The following LHFPL6 variants were observed in gnomAD, a reference collection of about 807,000 sequenced individuals.
LHFPL6 encodes LHFPL tetraspan subfamily member 6 protein.
In LHFPL6, 9 loss-of-function variants were observed where a neutral mutation model predicts 20.6. The ratio of observed to expected loss-of-function variants is 0.44; its 90% CI spans 0.26 to 0.76. The LOEUF is 0.76. Among genes scored for constraint, LHFPL6 ranks in the 30% least tolerant of loss-of-function variants. The pLI is 0.20. For synonymous variants in LHFPL6, 105 were observed against 98.7 expected, an observed-to-expected ratio of 1.06 and a Z score of -0.38; for missense variants, 218 against 253.5, an observed-to-expected ratio of 0.86 and a Z score of 0.95.
At chr13:39,344,466 A>G (rs1055146514) in intron 3 of LHFPL6, among the ~76,000 whole-genome samples, 2 of 152,218 alleles carry the variant, frequency 1.3e-5, no homozygotes, top group African/African-American at 4.8e-5. Context: ...GGCCACTTTG[A>G]GGAGGCAACC....
At chr13:39,423,993 T>TAC (rs1356868551) in intron 2 of LHFPL6, among the ~76,000 whole-genome samples, 1 of 152,142 alleles carries the variant, frequency 6.6e-6, no homozygotes, top group Non-Finnish European at 1.5e-5. Context: ...TGGCAGGAGC[T>TAC]ACAGTAAAGG....
intron 2 of LHFPL6, among the ~76,000 whole-genome samples, chr13:39,436,114 T>C (rs576832589): frequency 6.6e-6 from 1 of 152,074 alleles, no homozygotes; most frequent in African/African-American, 2.4e-5. Context: ...TCCTTTGGAG[T>C]CCTCAACAAT....
chr13:39,454,400 C>T (rs1465541959), intron 2 of LHFPL6, among the ~76,000 whole-genome samples: 1 of 32,994 alleles, frequency 3.0e-5, no homozygotes, highest in Non-Finnish European at 5.0e-5. Context: ...GAGGCCGAGG[C>T]GGGCGGATCA....
intron 2 of LHFPL6, among the ~76,000 whole-genome samples, chr13:39,544,028 T>C (rs1280730370): frequency 6.6e-6 from 1 of 152,224 alleles, no homozygotes; most frequent in Non-Finnish European, 1.5e-5. Flanking sequence ...AGACTTTTAT[T>C]TCAATGGGCA....
intron 2 of LHFPL6, among the ~76,000 whole-genome samples, chr13:39,478,442 C>T (rs1873137901): frequency 6.6e-6 from 1 of 152,172 alleles, no homozygotes; most frequent in Non-Finnish European, 1.5e-5. Flanking sequence ...ATTGATAGCA[C>T]ATTAAATGTA....
At chr13:39,444,086 G>T (rs1179452973) in intron 2 of LHFPL6, among the ~76,000 whole-genome samples, 1 of 152,154 alleles carries the variant, frequency 6.6e-6, no homozygotes, top group Non-Finnish European at 1.5e-5. Flanking sequence ...TTATACAGTT[G>T]TAAAGAACTT....
At chr13:39,364,211 A>C (rs918327681) in intron 3 of LHFPL6, among the ~76,000 whole-genome samples, 2 of 152,226 alleles carry the variant, frequency 1.3e-5, no homozygotes, top group African/African-American at 4.8e-5. Flanking sequence ...CAATCAGAGA[A>C]ACCGGCCCTG....
intron 2 of LHFPL6, among the ~76,000 whole-genome samples, chr13:39,584,906 G>A (rs948929085): frequency 1.3e-5 from 2 of 152,128 alleles, no homozygotes; most frequent in Non-Finnish European, 2.9e-5. Context: ...AAATAATACA[G>A]GGAGCTTGGA....
intron 2 of LHFPL6, among the ~76,000 whole-genome samples, chr13:39,445,270 C>T (rs1438741170): frequency 6.6e-6 from 1 of 152,192 alleles, no homozygotes; most frequent in Non-Finnish European, 1.5e-5. Context: ...ACCTTGATAA[C>T]TTATAAATCT....
At chr13:39,441,860 A>C in intron 2 of LHFPL6, among the ~76,000 whole-genome samples, 6 of 117,420 alleles carry the variant, frequency 5.1e-5, no homozygotes, top group Admixed American at 1.1e-4. Flanking sequence ...ACAGAGTTTC[A>C]CTCTTGTCGC....
intron 2 of LHFPL6, among the ~76,000 whole-genome samples, chr13:39,518,781 T>A (rs569469585): frequency 6.6e-6 from 1 of 152,296 alleles, no homozygotes; most frequent in South Asian, 2.1e-4. Context: ...CCCCCTGCCA[T>A]GATTTAATCA....
intron 3 of LHFPL6, among the ~76,000 whole-genome samples, chr13:39,356,114 C>T (rs994004923): frequency 2.3e-4 from 35 of 152,188 alleles, no homozygotes; most frequent in African/African-American, 7.0e-4. Context: ...AGATTGACCA[C>T]ATGTTCAGCG....
At chr13:39,498,553 G>T (rs987036251) in intron 2 of LHFPL6, among the ~76,000 whole-genome samples, 14 of 152,224 alleles carry the variant, frequency 9.2e-5, no homozygotes, top group African/African-American at 3.1e-4. Context: ...GATCAGTAGA[G>T]ACTGAAAGTC....
chr13:39,389,990 C>T (rs1870661937), intron 2 of LHFPL6, among the ~76,000 whole-genome samples: 1 of 152,148 alleles, frequency 6.6e-6, no homozygotes, highest in Admixed American at 6.5e-5. Flanking sequence ...TTAACCAACA[C>T]ATCAAGAGCA....
chr13:39,584,199 G>C (rs1347857385), intron 2 of LHFPL6, among the ~76,000 whole-genome samples: 1 of 152,154 alleles, frequency 6.6e-6, no homozygotes, highest in East Asian at 1.9e-4. Context: ...CCAAGGCCTA[G>C]AGCAGAGCCT....
At chr13:39,494,852 C>T (rs1869045509) in intron 2 of LHFPL6, among the ~76,000 whole-genome samples, 1 of 152,204 alleles carries the variant, frequency 6.6e-6, no homozygotes, top group African/African-American at 2.4e-5. Context: ...AGATTATGGG[C>T]ATTCCTTTTC....
Position 39,431,958 on chromosome 13 carries a change from G to A in LHFPL6, c.386-53432C>T, listed in dbSNP as rs117210220. Among the ~76,000 whole-genome samples the A allele has an allele frequency of 4.5e-3, 691 of 152,050 alleles. 29 individuals are homozygous for A. Among genetic ancestry groups the A allele is most frequent in the Admixed American group, 0.043 (652 of 15,282 alleles). On this transcript the variant is annotated intron_variant, in intron 2 of 3. Coordinates refer to ENST00000379589, the MANE Select transcript of LHFPL6 (RefSeq NM_005780.3). The stretch of plus-strand genomic sequence containing the variant: ...CAGGTGTTGAAACTGAATCTCCATT[G>A]TGGTGGTATTAAGACGTGGGGCCTT...
chr13:39,473,654 C>A (rs1873006546), intron 2 of LHFPL6, among the ~76,000 whole-genome samples: 1 of 152,204 alleles, frequency 6.6e-6, no homozygotes, highest in African/African-American at 2.4e-5. Flanking sequence ...CAGTCCCCCT[C>A]AGTTTCTACA....
chr13:39,367,128 A>C (rs1870033817), intron 3 of LHFPL6, among the ~76,000 whole-genome samples: 1 of 152,216 alleles, frequency 6.6e-6, no homozygotes, highest in African/African-American at 2.4e-5. Flanking sequence ...CTGAACACTC[A>C]TTTTCACAGA....
Sources: gnomAD v4.1 joint callset for allele counts (sites outside exome capture counted in the v4.1 genomes callset) on GRCh38, gnomAD v4.1.1 for gene constraint, MANE v1.5 for transcripts, NCBI Gene and HGNC (gene_info 2026-07-23, HGNC 2026-07-21) for gene names.